Variants in PAK5 observed in about 807,000 individuals in gnomAD.
PAK5 encodes the protein p21 (RAC1) activated kinase 5.
Under a neutral mutation model 65.9 loss-of-function variants are expected in PAK5, and 16 were observed. The observed-to-expected ratio is 0.24, with a 90% CI of 0.16 to 0.37. PAK5 has a LOEUF of 0.37. Ranked by LOEUF, PAK5 falls within the 10% of genes least tolerant of loss-of-function variation. PAK5 has a pLI of 1.00. For missense variants in PAK5, 785 were observed against 903.9 expected, an observed-to-expected ratio of 0.87 and a Z score of 1.69; for synonymous variants, 371 against 354.9, an observed-to-expected ratio of 1.05 and a Z score of -0.51.
rs188933242 is a variant in PAK5, at chr20:9,788,333, C to T, written c.-162+50429G>A. ...TCTCTTTATTGATACCTCATTCTGACAGGTTTCCAAAGACTTGTCAGGGCA... is the reference window on the plus strand; with the variant it reads ...TCTCTTTATTGATACCTCATTCTGATAGGTTTCCAAAGACTTGTCAGGGCA... On this transcript the variant is annotated intron_variant, in intron 1 of 9. Transcript: ENST00000353224. Among the ~76,000 whole-genome samples the T allele has an allele frequency of 5.9e-4, 89 of 151,960 alleles. 2 individuals are homozygous for T. Among genetic ancestry groups the T allele is most frequent in the African/African-American group, 1.8e-3 (75 of 41,466 alleles).
intron 7 of PAK5, among the ~76,000 whole-genome samples, chr20:9,553,187 TG>T (rs2045456071): frequency 6.6e-6 from 1 of 152,200 alleles, no homozygotes; most frequent in Non-Finnish European, 1.5e-5. Flanking sequence ...CAGTTACAAA[TG>T]AACTCATTGT....
intron 1 of PAK5, among the ~76,000 whole-genome samples, chr20:9,752,558 T>A (rs954016138): frequency 6.6e-6 from 1 of 152,098 alleles, no homozygotes; most frequent in African/African-American, 2.4e-5. Flanking sequence ...GTGGTATATA[T>A]CCTATTACTC....
intron 3 of PAK5, among the ~76,000 whole-genome samples, chr20:9,633,442 T>G (rs550101269): frequency 4.1e-4 from 63 of 152,282 alleles, no homozygotes; most frequent in African/African-American, 1.5e-3. Flanking sequence ...CACTAATCAA[T>G]CATACTTAGT....
intron 1 of PAK5, among the ~76,000 whole-genome samples, chr20:9,796,685 C>T (rs979297777): frequency 6.6e-6 from 1 of 152,032 alleles, no homozygotes; most frequent in Non-Finnish European, 1.5e-5. Flanking sequence ...TCACAGGAAA[C>T]AGGCAAGTGA....
At chr20:9,579,312 T>C (rs1163721510) in intron 4 of PAK5, among the ~76,000 whole-genome samples, 1 of 152,188 alleles carries the variant, frequency 6.6e-6, no homozygotes, top group Non-Finnish European at 1.5e-5. Context: ...GCAAAAACAT[T>C]TCTAAATGAC....
At chr20:9,638,112 C>T (rs1402838833) in intron 3 of PAK5, among the ~76,000 whole-genome samples, 1 of 152,122 alleles carries the variant, frequency 6.6e-6, no homozygotes, top group Non-Finnish European at 1.5e-5. Context: ...AACAAGCCCC[C>T]AGGGAAATTC....
intron 2 of PAK5, among the ~76,000 whole-genome samples, chr20:9,692,334 C>T (rs2047809007): frequency 6.6e-6 from 1 of 150,936 alleles, no homozygotes; most frequent in African/African-American, 2.4e-5. Context: ...GGCATCACAC[C>T]TTCCGTATGA....
In PAK5 at chr20:9,640,316, G is replaced by T. The variant is rs570211236; in HGVS notation, c.204+3809C>A. On this transcript the variant is annotated intron_variant, in intron 3 of 9. Transcript: ENST00000353224. ...TATGAGTGAGAACATTCGGTGTTTG[G>T]TTTTTTGTCCTTGTGATAGTTTGCT... Among the ~76,000 whole-genome samples, 5 of 150,048 alleles carry T rather than the reference G, an allele frequency of 3.3e-5. No homozygotes were observed. In the South Asian group the frequency reaches 6.4e-4, roughly 19 times the overall value.
At chr20:9,540,895 C>A (rs1224136105) in intron 9 of PAK5, among the ~76,000 whole-genome samples, 1 of 152,134 alleles carries the variant, frequency 6.6e-6, no homozygotes, top group African/African-American at 2.4e-5. Flanking sequence ...CGCCACCATG[C>A]TTGGCTAATT....
At chr20:9,562,270 A>G (rs1011123627) in intron 6 of PAK5, among the ~76,000 whole-genome samples, 43 of 152,206 alleles carry the variant, frequency 2.8e-4, no homozygotes, top group African/African-American at 1.0e-3. Flanking sequence ...TCTGAGCCAC[A>G]TTCATTTGTA....
chr20:9,731,140 T>C (rs2123554001), intron 1 of PAK5, among the ~76,000 whole-genome samples: 1 of 152,264 alleles, frequency 6.6e-6, no homozygotes, highest in South Asian at 2.1e-4. Flanking sequence ...AGAAATATAA[T>C]GTGAACCATA....
chr20:9,759,458 C>G (rs1876869232), intron 1 of PAK5, among the ~76,000 whole-genome samples: 1 of 152,086 alleles, frequency 6.6e-6, no homozygotes, highest in Non-Finnish European at 1.5e-5. Context: ...TATGGGAAAT[C>G]TAAAATTGTG....
At chr20:9,701,143 G>A (rs1412801061) in intron 2 of PAK5, among the ~76,000 whole-genome samples, 5 of 152,060 alleles carry the variant, frequency 3.3e-5, no homozygotes, top group East Asian at 1.9e-4. Context: ...GCCCTTTGAC[G>A]AGTCAAGCAA....
intron 2 of PAK5, among the ~76,000 whole-genome samples, chr20:9,685,222 T>C (rs1166622191): frequency 1.3e-5 from 2 of 152,220 alleles, no homozygotes; most frequent in Admixed American, 1.3e-4. Context: ...AGTTTTCTCA[T>C]CTTACAGTTT....
At chr20:9,721,653 C>CAAA (rs144378083) in intron 1 of PAK5, among the ~76,000 whole-genome samples, 5 of 65,554 alleles carry the variant, frequency 7.6e-5, no homozygotes, top group African/African-American at 1.3e-4. Flanking sequence ...GACTCCATCT[C>CAAA]AAAAAAAAAA....
intron 7 of PAK5, among the ~76,000 whole-genome samples, chr20:9,556,572 G>A (rs1161779189): frequency 2.6e-5 from 4 of 152,194 alleles, no homozygotes; most frequent in Non-Finnish European, 1.5e-5. Flanking sequence ...GTTTCAGGGG[G>A]CTCCGGAGAG....
At chr20:9,624,849 C>A (rs2046820999) in intron 3 of PAK5, among the ~76,000 whole-genome samples, 1 of 152,174 alleles carries the variant, frequency 6.6e-6, no homozygotes. Context: ...ATGTTACTAA[C>A]TATGAGCCCC....
intron 2 of PAK5, among the ~76,000 whole-genome samples, chr20:9,709,610 T>A (rs550117353): frequency 3.3e-5 from 5 of 152,308 alleles, no homozygotes; most frequent in African/African-American, 4.8e-5. Flanking sequence ...GTATAATTGC[T>A]GCACTGGGTC....
chr20:9,749,832 G>C (rs2048553919), intron 1 of PAK5, among the ~76,000 whole-genome samples: 1 of 152,146 alleles, frequency 6.6e-6, no homozygotes, highest in African/African-American at 2.4e-5. Flanking sequence ...GGACTGGACA[G>C]GGTGTTGAAT....
Sources: allele counts gnomAD v4.1 joint callset (sites outside exome capture counted in the v4.1 genomes callset), GRCh38; gene constraint gnomAD v4.1.1; transcripts MANE v1.5; gene names NCBI Gene and HGNC (gene_info 2026-07-23, HGNC 2026-07-21).